Variants in GLT8D2 observed in about 807,000 individuals in gnomAD.
GLT8D2 encodes the protein glycosyltransferase 8 domain containing 2, also known as glycosyltransferase 8 domain-containing protein 2.
In GLT8D2, 45 loss-of-function variants were observed where a neutral mutation model predicts 44.5. That is an observed-to-expected ratio of 1.01 (90% CI 0.80 to 1.30). The LOEUF (loss-of-function observed/expected upper bound fraction) is 1.30, where lower values mean the gene tolerates loss of function less well. Among genes scored for constraint, GLT8D2 ranks in the 50% most tolerant of loss-of-function variants. The probability of loss-of-function intolerance (pLI) is 0.00; values close to 1 mark genes in which losing one functional copy is unlikely to be tolerated. For synonymous variants in GLT8D2, 156 were observed against 157.2 expected, an observed-to-expected ratio of 0.99 and a Z score of 0.06; for missense variants, 400 against 430.4, an observed-to-expected ratio of 0.93 and a Z score of 0.62.
intron 7 of GLT8D2, 59 bp downstream of exon 7, chr12:103,997,392 A>G: frequency 8.5e-7 from 1 of 1,174,600 alleles, no homozygotes; most frequent in Non-Finnish European, 1.3e-6. Context: ...GAAGAGAGAC[A>G]GTTATTCTAC....
intron 3 of GLT8D2, among the ~76,000 whole-genome samples, chr12:104,018,093 C>T (rs549280998): frequency 7.2e-5 from 11 of 152,110 alleles, no homozygotes; most frequent in South Asian, 4.2e-4. Flanking sequence ...CCTCAGCCTC[C>T]GAAGTAGCTG....
At chr12:104,026,042 G>A (rs1052266717) in intron 1 of GLT8D2, among the ~76,000 whole-genome samples, 4 of 152,124 alleles carry the variant, frequency 2.6e-5, no homozygotes, top group African/African-American at 9.7e-5. Context: ...ACTTTGGGAG[G>A]CTGAGGCTGG....
intron 2 of GLT8D2, among the ~76,000 whole-genome samples, 166 bp from the exon 3 acceptor site, chr12:104,019,842 C>T (rs1877395606): frequency 6.6e-6 from 1 of 152,126 alleles, no homozygotes; most frequent in Non-Finnish European, 1.5e-5. Flanking sequence ...AATACTAGCC[C>T]ATGTCTTCAA....
At chr12:104,061,416 AAAC>A (rs1397892051) in intron 1 of GLT8D2, among the ~76,000 whole-genome samples, 1 of 152,190 alleles carries the variant, frequency 6.6e-6, no homozygotes, top group African/African-American at 2.4e-5. Context: ...CATTAGAAAA[AAAC>A]TACCATCTAG....
At chr12:104,012,680 TG>T (rs1285337004) in intron 4 of GLT8D2, 4 of 604,408 alleles carry the variant, frequency 6.6e-6, no homozygotes, top group Non-Finnish European at 1.2e-5. Context: ...GATACTGCTA[TG>T]GACTGAATTG....
chr12:104,021,920 A>G (rs189474690), intron 1 of GLT8D2, among the ~76,000 whole-genome samples: 781 of 19,618 alleles, frequency 0.04, 20 homozygotes, highest in East Asian at 0.27. Context: ...AAGAAGAAGA[A>G]GAAGAAGAAG....
Position 104,016,731 on chromosome 12 carries a change from GAA to G in GLT8D2, c.20-1628_20-1627del, listed in dbSNP as rs1465967947. 3.9e-5 allele frequency among the ~76,000 whole-genome samples: 3 copies of G among 76,720 alleles called. 1 individual carries two copies. Among genetic ancestry groups the G allele is most frequent in the African/African-American group, 1.5e-4 (3 of 19,658 alleles). The allele number at this position is 76,720 out of a possible 152,430, so 50.3% of individuals were successfully genotyped here. A position where few individuals can be genotyped will look rare whatever the true frequency, so the allele number is the denominator to read the frequency against. ...AGAGAGAAAGAAAGAAAGAAAGAAA[GAA>G]AGAAAGAAAGAAAGAAAGAAAGAAA... On this transcript the variant is annotated intron_variant, in intron 3 of 10. Transcript: ENST00000360814.
chr12:104,056,698 G>A lies in GLT8D2; in HGVS notation c.-422-6410C>T, dbSNP rs75232788. On this transcript the variant is annotated intron_variant, in intron 1 of 10. Coordinates refer to the GLT8D2 transcript ENST00000548660. ...TACAGTTCAAATTTCAGTTACCACAGTATATTCACTGTAAGTAATTGCATA... is the reference window on the plus strand; with the variant it reads ...TACAGTTCAAATTTCAGTTACCACAATATATTCACTGTAAGTAATTGCATA... Among the ~76,000 whole-genome samples, 142 of 152,340 alleles carry A rather than the reference G, an allele frequency of 9.3e-4. 3 individuals are homozygous for A. In the East Asian group the frequency reaches 0.026, roughly 28 times the overall value.
chr12:104,045,273 C>A (rs527512224), intron 1 of GLT8D2, among the ~76,000 whole-genome samples: 2 of 152,336 alleles, frequency 1.3e-5, no homozygotes, highest in East Asian at 3.9e-4. Context: ...AGCCTTCCTG[C>A]TACTGTCACA....
intron 1 of GLT8D2, among the ~76,000 whole-genome samples, chr12:104,034,800 C>T (rs547372891): frequency 1.3e-5 from 2 of 152,350 alleles, no homozygotes; most frequent in South Asian, 4.1e-4. Flanking sequence ...GTTCTCCCAG[C>T]ATGGTGTTTG....
intron 1 of GLT8D2, among the ~76,000 whole-genome samples, chr12:104,043,450 T>C (rs1353045651): frequency 6.6e-6 from 1 of 152,060 alleles, no homozygotes; most frequent in Admixed American, 6.6e-5. Flanking sequence ...CCAAATCAGT[T>C]CGGGTGACTC....
upstream of GLT8D2, chr12:104,064,256 CA>C (rs1361022752): frequency 3.1e-6 from 1 of 319,994 alleles, no homozygotes; most frequent in African/African-American, 2.1e-5. The surrounding 1 kb of genome is among the most constrained non-coding windows in gnomAD (Gnocchi z 7.3). Context: ...GGCTTCTTCC[CA>C]AAATACCGAA....
chr12:104,061,856 A>G (rs1342357639), intron 1 of GLT8D2, among the ~76,000 whole-genome samples: 1 of 151,316 alleles, frequency 6.6e-6, no homozygotes, highest in African/African-American at 2.4e-5. Context: ...CATGCCTGTA[A>G]TCCCAGCTAC....
At chr12:104,048,978 C>G (rs991725726) in intron 1 of GLT8D2, among the ~76,000 whole-genome samples, 6 of 152,168 alleles carry the variant, frequency 3.9e-5, no homozygotes, top group Admixed American at 3.3e-4. Context: ...GTAAGCCTGA[C>G]CCCAGAGCCT....
intron 1 of GLT8D2, chr12:104,031,560 T>C (rs1251716485): frequency 5.6e-6 from 9 of 1,610,712 alleles, no homozygotes; most frequent in Non-Finnish European, 7.6e-6. Flanking sequence ...GCGGGGAAGA[T>C]ACTGTCCCCA....
intron 1 of GLT8D2, among the ~76,000 whole-genome samples, chr12:104,057,273 T>A (rs899350899): frequency 1.3e-5 from 2 of 152,202 alleles, no homozygotes; most frequent in Non-Finnish European, 2.9e-5. Flanking sequence ...GGCTCACACC[T>A]GTAATCCCAG....
chr12:104,007,844 T>C (rs1308107827), intron 4 of GLT8D2, among the ~76,000 whole-genome samples: 2 of 152,110 alleles, frequency 1.3e-5, no homozygotes, highest in East Asian at 3.9e-4. Flanking sequence ...CCCCATACTG[T>C]TCTCATGGTA....
At chr12:104,007,820 A>C (rs1875282380) in intron 4 of GLT8D2, among the ~76,000 whole-genome samples, 1 of 152,330 alleles carries the variant, frequency 6.6e-6, no homozygotes, top group African/African-American at 2.4e-5. Context: ...AATCTGAATC[A>C]TGGGGGTGGT....
chr12:103,997,477 T>C lies in GLT8D2; in HGVS notation c.461A>G (p.Tyr154Cys). The C allele has an allele frequency of 6.2e-7, 1 of 1,613,638 alleles. No homozygotes were observed. Among genetic ancestry groups the C allele is most frequent in the Non-Finnish European group, 8.5e-7 (1 of 1,179,554 alleles). Residue 154 changes from tyrosine to cysteine, a missense_variant, in exon 7 of 11, where the codon TAT becomes TGT. Tyr to Cys is a radical substitution (Grantham distance 194). Transcript: ENST00000360814. ...TTGTACAATTACATCATCGTCCAAA[T>C]AGATGACTTTCTCGTGTTGGTGGAT... ...LLIHQHEKVI[Y>C]LDDDVIVQGD...
Sources: gnomAD v4.1 joint callset for allele counts (sites outside exome capture counted in the v4.1 genomes callset) on GRCh38, gnomAD v4.1.1 for gene constraint, Gnocchi (gnomAD v3.1) non-coding constraint, MANE v1.5 for transcripts, NCBI Gene and HGNC (gene_info 2026-07-23, HGNC 2026-07-21) for gene names.